FOXO3: variants seen among roughly 807,000 people sequenced by gnomAD.
The protein encoded by FOXO3 is forkhead box O3, also known as forkhead box protein O3.
In FOXO3, 4 loss-of-function variants were observed where a neutral mutation model predicts 41.9. The observed-to-expected ratio is 0.10, with a 90% CI of 0.05 to 0.22. The LOEUF (loss-of-function observed/expected upper bound fraction) is 0.22. FOXO3 is among the 10% of genes least tolerant of loss of function. The probability of loss-of-function intolerance (pLI) is 1.00; values close to 1 mark genes in which losing one functional copy is unlikely to be tolerated. For synonymous variants in FOXO3, 318 were observed against 389.3 expected (o/e 0.82, Z 2.16); for missense variants, 534 against 906.8 (o/e 0.59, Z 5.28).
intron 1 of FOXO3, among the ~76,000 whole-genome samples, chr6:108,621,570 G>A (rs1386478033): frequency 6.6e-6 from 1 of 151,932 alleles, no homozygotes; most frequent in Non-Finnish European, 1.5e-5. Flanking sequence ...TGTTTTTTGA[G>A]ACAGAGTCTT....
chr6:108,565,746 G>C (rs551554826), intron 1 of FOXO3, among the ~76,000 whole-genome samples: 6 of 152,310 alleles, frequency 3.9e-5, no homozygotes, highest in African/African-American at 1.4e-4. Context: ...GATGAGGGCT[G>C]TCCTGTCACA....
chr6:108,589,365 A>G (rs1161895627), intron 1 of FOXO3, among the ~76,000 whole-genome samples: 1 of 152,092 alleles, frequency 6.6e-6, no homozygotes, highest in Non-Finnish European at 1.5e-5. Flanking sequence ...GGCTACACAG[A>G]CACAAGCACA....
chr6:108,611,138 G>A (rs1777353126), intron 1 of FOXO3, among the ~76,000 whole-genome samples: 1 of 152,078 alleles, frequency 6.6e-6, no homozygotes, highest in Non-Finnish European at 1.5e-5. Context: ...CTTTCACTTA[G>A]TAGAGTGCAT....
At chr6:108,578,458 G>A (rs1188256045) in intron 1 of FOXO3, among the ~76,000 whole-genome samples, 1 of 152,182 alleles carries the variant, frequency 6.6e-6, no homozygotes, top group Non-Finnish European at 1.5e-5. Flanking sequence ...GAGTATTTTG[G>A]ACTTCCCACA....
chr6:108,661,248 C>T (rs1331646273), intron 1 of FOXO3, among the ~76,000 whole-genome samples: 4 of 151,692 alleles, frequency 2.6e-5, no homozygotes, highest in African/African-American at 9.7e-5. Flanking sequence ...TCTCGGGCGG[C>T]GGGGGGAACA....
intron 1 of FOXO3, among the ~76,000 whole-genome samples, chr6:108,591,256 G>C (rs918469650): frequency 5.3e-5 from 8 of 152,230 alleles, no homozygotes; most frequent in African/African-American, 1.9e-4. Context: ...TAGACAGCCA[G>C]CCATCCTGAA....
intron 1 of FOXO3, among the ~76,000 whole-genome samples, chr6:108,641,754 G>A (rs1254382869): frequency 6.6e-6 from 1 of 152,038 alleles, no homozygotes; most frequent in Non-Finnish European, 1.5e-5. Context: ...ACATCCTCAA[G>A]CCTGTGGTGT....
At chr6:108,578,344 TA>T (rs1776318725) in intron 1 of FOXO3, among the ~76,000 whole-genome samples, 1 of 152,066 alleles carries the variant, frequency 6.6e-6, no homozygotes. Context: ...GTGATAGGAG[TA>T]AAAAATCTTA....
chr6:108,585,059 G>A (rs1469752475), intron 1 of FOXO3, among the ~76,000 whole-genome samples: 3 of 62,230 alleles, frequency 4.8e-5, no homozygotes, highest in African/African-American at 1.0e-4. Context: ...TTTTGAGACA[G>A]AGTCTCGCTC....
intron 1 of FOXO3, among the ~76,000 whole-genome samples, chr6:108,591,767 G>A (rs1395455972): frequency 1.3e-5 from 2 of 151,968 alleles, no homozygotes; most frequent in Admixed American, 1.3e-4. Flanking sequence ...CGAGATTTTG[G>A]GATTGTACTT....
chr6:108,559,863 G>C (rs1472553331), upstream of FOXO3: 1 of 152,428 alleles, frequency 6.6e-6, no homozygotes, highest in Non-Finnish European at 1.5e-5. Context: ...GAAGGTGGCG[G>C]CGCGCGAGCT....
At chr6:108,677,164 G>C (rs1486018663) in intron 2 of FOXO3, among the ~76,000 whole-genome samples, 1 of 152,236 alleles carries the variant, frequency 6.6e-6, no homozygotes, top group Non-Finnish European at 1.5e-5. Flanking sequence ...CTCAGCGGAA[G>C]CTGTAGAACA....
chr6:108,659,942 G>T (rs998345267), intron 1 of FOXO3, among the ~76,000 whole-genome samples: 10 of 152,214 alleles, frequency 6.6e-5, no homozygotes, highest in Non-Finnish European at 1.3e-4. Context: ...TGGAATTGGT[G>T]ATGCTAAAGT....
chr6:108,600,267 A>C (rs192561141), intron 1 of FOXO3, among the ~76,000 whole-genome samples: 2 of 152,268 alleles, frequency 1.3e-5, no homozygotes, highest in Admixed American at 6.5e-5. Flanking sequence ...TGTGTGGGCC[A>C]GGTATGGTGG....
intron 1 of FOXO3, 115 bp downstream of exon 1, chr6:108,561,944 G>C (rs1049693058): frequency 1.9e-5 from 27 of 1,406,746 alleles, no homozygotes; most frequent in Non-Finnish European, 9.3e-7. Context: ...GGTTGGCAGG[G>C]GGAGCCTCCG....
intron 1 of FOXO3, among the ~76,000 whole-genome samples, chr6:108,627,654 T>G (rs1030157858): frequency 4.6e-4 from 70 of 152,008 alleles, no homozygotes; most frequent in African/African-American, 1.7e-3. Flanking sequence ...AGAATTGTCT[T>G]GGGGCACACA....
chr6:108,669,111 T>C (rs1330670320), intron 2 of FOXO3, among the ~76,000 whole-genome samples: 1 of 151,854 alleles, frequency 6.6e-6, no homozygotes, highest in East Asian at 1.9e-4. Context: ...AGACTCCGTC[T>C]CAAAAAATAA....
At chr6:108,619,597 C>T (rs1025176397) in intron 1 of FOXO3, among the ~76,000 whole-genome samples, 3 of 152,182 alleles carry the variant, frequency 2.0e-5, no homozygotes, top group African/African-American at 7.2e-5. Context: ...GATCTCATTT[C>T]CTCACTGGCC....
chr6:108,628,525 G>A (rs944795331), intron 1 of FOXO3, among the ~76,000 whole-genome samples: 3 of 152,126 alleles, frequency 2.0e-5, no homozygotes, highest in Non-Finnish European at 4.4e-5. Context: ...GGACATTTTG[G>A]TGGTTGTTTG....
Sources: allele counts gnomAD v4.1 joint callset (sites outside exome capture counted in the v4.1 genomes callset), GRCh38; gene constraint gnomAD v4.1.1; transcripts MANE v1.5; gene names NCBI Gene and HGNC (gene_info 2026-07-23, HGNC 2026-07-21).